The following IQCK variants were observed in gnomAD, a reference collection of about 807,000 sequenced individuals.
IQCK encodes the protein IQ domain-containing protein K.
IQCK carries 29 observed loss-of-function variants against 28.1 expected under a neutral mutation model. That is an observed-to-expected ratio of 1.03 (90% CI 0.77 to 1.41). The LOEUF is 1.41. Among genes scored for constraint, IQCK ranks in the 40% most tolerant of loss-of-function variants. The pLI, the probability that IQCK is intolerant of heterozygous loss-of-function variation, is 0.00. For synonymous variants in IQCK, 113 were observed against 115.1 expected (o/e 0.98, Z 0.12); for missense variants, 359 against 314.7 (o/e 1.14, Z -1.07).
intron 4 of IQCK, among the ~76,000 whole-genome samples, chr16:19,740,332 T>C (rs1186638631): frequency 6.6e-6 from 1 of 152,144 alleles, no homozygotes; most frequent in Admixed American, 6.5e-5. Flanking sequence ...TTGTATCAAA[T>C]TGTGGTGTGA....
rs529141121 is a variant in IQCK at position 19,747,491 on chromosome 16, C to CTT, written c.474+12054_474+12055dup. Among the ~76,000 whole-genome samples the CTT allele has an allele frequency of 1.2e-4, 17 of 143,776 alleles. No homozygotes were observed. In the South Asian group the frequency reaches 3.6e-3, roughly 31 times the overall value. The allele number at this position is 143,776 out of a possible 152,430, so 94.3% of individuals were successfully genotyped here. A position where few individuals can be genotyped will look rare whatever the true frequency, so the allele number is the denominator to read the frequency against. ...ATCCGAAGAGTTAGGAAATAGATTC[C>CTT]TTTTTTTTTTTTTTAAGTAAATGTG... On this transcript the variant is annotated intron_variant, in intron 4 of 7. Coordinates refer to ENST00000564186, the Ensembl canonical transcript of IQCK.
At chr16:19,803,496 T>C (rs1229800201) in intron 7 of IQCK, among the ~76,000 whole-genome samples, 1 of 152,112 alleles carries the variant, frequency 6.6e-6, no homozygotes, top group Non-Finnish European at 1.5e-5. Context: ...CAGCCAGGAT[T>C]GAGACCCACT....
At chr16:19,806,601 A>T (rs1208763025) in intron 7 of IQCK, among the ~76,000 whole-genome samples, 1 of 151,638 alleles carries the variant, frequency 6.6e-6, no homozygotes, top group African/African-American at 2.4e-5. Context: ...GAGGTGGAGG[A>T]TGGCTTGAGC....
rs116322047 is a variant in IQCK, at chr16:19,770,276, G to A, written c.605+6164G>A. Among the ~76,000 whole-genome samples the A allele has an allele frequency of 7.3e-3, 1,105 of 152,204 alleles. 8 individuals carry two copies. The highest frequency in any genetic ancestry group is 0.024 in the African/African-American group (986 of 41,506). ...TAACAATGACTTGTTTCAACTTAGC[G>A]TCTATGTTGATTTTAAATGACTGAC... On this transcript the variant is annotated intron_variant, in intron 6 of 7. Transcript: ENST00000564186.
At chr16:19,836,443 A>G (rs1229572802) in intron 9 of IQCK, among the ~76,000 whole-genome samples, 1 of 152,216 alleles carries the variant, frequency 6.6e-6, no homozygotes, top group Non-Finnish European at 1.5e-5. Context: ...CAATGCCTGA[A>G]GATCCCTACT....
At chr16:19,771,171 A>T (rs757171870) in intron 6 of IQCK, among the ~76,000 whole-genome samples, 3 of 152,174 alleles carry the variant, frequency 2.0e-5, no homozygotes, top group Non-Finnish European at 4.4e-5. Flanking sequence ...AGCTCACTGC[A>T]GCCTTGACTT....
chr16:19,792,521 CAG>C (rs2055627693), intron 7 of IQCK, among the ~76,000 whole-genome samples: 1 of 113,986 alleles, frequency 8.8e-6, no homozygotes, highest in Non-Finnish European at 1.6e-5. Context: ...TACCTTGGGG[CAG>C]CTGGGAAAGA....
chr16:19,809,578 T>G (rs1419588872), intron 7 of IQCK, among the ~76,000 whole-genome samples: 1 of 152,154 alleles, frequency 6.6e-6, no homozygotes, highest in Non-Finnish European at 1.5e-5. Flanking sequence ...ACACAGCACT[T>G]CAGTTACTGT....
intron 6 of IQCK, among the ~76,000 whole-genome samples, chr16:19,781,706 C>T (rs1299806585): frequency 1.3e-5 from 2 of 152,004 alleles, no homozygotes; most frequent in Non-Finnish European, 2.9e-5. Flanking sequence ...TGTGATGCCT[C>T]GGCAGGGCGT....
chr16:19,785,139 G>A (rs1234723772), intron 6 of IQCK, among the ~76,000 whole-genome samples: 2 of 152,196 alleles, frequency 1.3e-5, no homozygotes. Context: ...GTCAGGCCTT[G>A]CACCAGCCCC....
chr16:19,841,908 C>T (rs1157658772), intron 9 of IQCK, among the ~76,000 whole-genome samples: 2 of 150,832 alleles, frequency 1.3e-5, no homozygotes, highest in South Asian at 2.1e-4. Context: ...TTCAGTGGTG[C>T]GATCTCAGCT....
intron 4 of IQCK, among the ~76,000 whole-genome samples, chr16:19,736,557 G>A (rs770423437): frequency 2.6e-5 from 4 of 152,258 alleles, no homozygotes; most frequent in Non-Finnish European, 4.4e-5. Context: ...CGTAGTTCAC[G>A]GGATACTTTG....
chr16:19,839,929 G>C (rs1396052956), intron 9 of IQCK, among the ~76,000 whole-genome samples: 1 of 152,000 alleles, frequency 6.6e-6, no homozygotes, highest in Admixed American at 6.6e-5. Context: ...TCAGGAGGTT[G>C]AGGCTGCCGT....
intron 9 of IQCK, among the ~76,000 whole-genome samples, chr16:19,853,949 G>A (rs2056521285): frequency 6.6e-6 from 1 of 152,232 alleles, no homozygotes; most frequent in Non-Finnish European, 1.5e-5. Context: ...TCTCTCTCTA[G>A]CAGCTTAAAC....
intron 9 of IQCK, among the ~76,000 whole-genome samples, chr16:19,844,309 C>T (rs1597608522): frequency 6.6e-6 from 1 of 152,128 alleles, no homozygotes; most frequent in African/African-American, 2.4e-5. Context: ...GAACTCCTGA[C>T]CTCAGGTGAT....
At chr16:19,844,726 C>A (rs1340285873) in intron 9 of IQCK, among the ~76,000 whole-genome samples, 1 of 152,186 alleles carries the variant, frequency 6.6e-6, no homozygotes, top group African/African-American at 2.4e-5. Flanking sequence ...CATCCTCTTT[C>A]TTCATGTTTG....
At chr16:19,738,981 C>G (rs1597507049) in intron 4 of IQCK, among the ~76,000 whole-genome samples, 1 of 152,186 alleles carries the variant, frequency 6.6e-6, no homozygotes, top group East Asian at 1.9e-4. Flanking sequence ...CATTTCTCAC[C>G]CTCTGGGAAC....
intron 6 of IQCK, among the ~76,000 whole-genome samples, chr16:19,767,897 A>G (rs1388232142): frequency 6.6e-6 from 1 of 151,864 alleles, no homozygotes; most frequent in Non-Finnish European, 1.5e-5. Flanking sequence ...AAATAAATAA[A>G]CAAATAAATA....
chr16:19,847,633 C>T (rs1459982934), intron 9 of IQCK, among the ~76,000 whole-genome samples: 1 of 152,148 alleles, frequency 6.6e-6, no homozygotes, highest in Non-Finnish European at 1.5e-5. Context: ...CTGGGAGATG[C>T]AGCTAACTTG....
Sources: allele counts gnomAD v4.1 joint callset (sites outside exome capture counted in the v4.1 genomes callset), GRCh38; gene constraint gnomAD v4.1.1; transcripts MANE v1.5; gene names NCBI Gene and HGNC (gene_info 2026-07-23, HGNC 2026-07-21).